TMC1: variants seen among roughly 807,000 people sequenced by gnomAD.
The protein encoded by TMC1 is transmembrane channel-like protein 1.
TMC1 carries 84 observed loss-of-function variants against 105.8 expected under a neutral mutation model. The ratio of observed to expected loss-of-function variants is 0.79; its 90% confidence interval spans 0.67 to 0.95. TMC1 has a LOEUF of 0.95. Among genes scored for constraint, TMC1 ranks in the 40% least tolerant of loss-of-function variants. The probability of loss-of-function intolerance (pLI) is 0.00; values close to 1 mark genes in which losing one functional copy is unlikely to be tolerated. For synonymous variants in TMC1, 315 were observed against 311.5 expected, an observed-to-expected ratio of 1.01 and a Z score of -0.12; for missense variants, 817 against 914.1, an observed-to-expected ratio of 0.89 and a Z score of 1.37.
intron 18 of TMC1, among the ~76,000 whole-genome samples, chr9:72,807,736 A>G (rs1230727410): frequency 6.6e-6 from 1 of 152,234 alleles, no homozygotes; most frequent in Admixed American, 6.5e-5. Flanking sequence ...CACAAAGTTC[A>G]CAGTCTAATA....
rs1256173395 is a variant in TMC1, at chr9:72,683,731, TTTTATATATATATATATATATATA to T, written c.17-4976_17-4953del. 9.3e-3 allele frequency among the ~76,000 whole-genome samples: 460 copies of T among 49,614 alleles called. 15 individuals carry two copies. The highest frequency in any genetic ancestry group is 0.023 in the African/African-American group (438 of 19,202). The allele number at this position is 49,614 out of a possible 152,430, so 32.5% of individuals were successfully genotyped here. A position where few individuals can be genotyped will look rare whatever the true frequency, so the allele number is the denominator to read the frequency against. On this transcript the variant is annotated intron_variant, in intron 5 of 23. Transcript: ENST00000297784. The stretch of plus-strand genomic sequence containing the variant: ...GGTCTGAGTTAACCTGAGTTACACA[TTTTATATATATATATATATATATA>T]TATATATATATATATATATGTTAAA...
intron 1 of TMC1, among the ~76,000 whole-genome samples, chr9:72,540,430 G>A (rs1019993695): frequency 6.6e-5 from 10 of 152,024 alleles, no homozygotes; most frequent in African/African-American, 1.9e-4. Flanking sequence ...AAAATCAGGG[G>A]CAGACAGACC....
intron 5 of TMC1, among the ~76,000 whole-genome samples, chr9:72,678,859 A>G (rs934119940): frequency 3.9e-5 from 6 of 152,068 alleles, no homozygotes; most frequent in African/African-American, 1.4e-4. Flanking sequence ...AAATGATCCC[A>G]GGAGTGGAAT....
intron 18 of TMC1, among the ~76,000 whole-genome samples, chr9:72,807,125 A>G (rs182860476): frequency 2.6e-5 from 4 of 152,200 alleles, no homozygotes; most frequent in African/African-American, 9.6e-5. Flanking sequence ...TGTCGGCGCG[A>G]GCCTGCAATC....
intron 8 of TMC1, among the ~76,000 whole-genome samples, chr9:72,730,742 G>C (rs1034799685): frequency 6.6e-6 from 1 of 152,198 alleles, no homozygotes; most frequent in Non-Finnish European, 1.5e-5. Context: ...ATCAGTGGGA[G>C]CCCTGAGCTT....
In TMC1 at chr9:72,820,937, A is replaced by G. The variant is rs769474449; in HGVS notation, c.1859A>G (p.Asn620Ser). 1.9e-6 allele frequency: 3 copies of G among 1,614,136 alleles called. No homozygotes were observed. The highest frequency in any genetic ancestry group is 2.5e-6 in the Non-Finnish European group (3 of 1,180,030). The change falls in exon 20 of 24, where the codon AAT becomes AGT. Residue 620 changes from asparagine (N) to serine (S), a missense_variant. Physicochemically the swap from Asn to Ser is conservative, Grantham distance 46. Transcript: ENST00000297784. Reference sequence around the variant, plus strand: ...CAGTGCTGGGCCGTTATGTGCTGCAATGTTCCTGAGGCCAGGGTCTTCAAA... The same window carrying G: ...CAGTGCTGGGCCGTTATGTGCTGCAGTGTTCCTGAGGCCAGGGTCTTCAAA... The part of the protein sequence containing the change: ...YFQCWAVMCC[N>S]VPEARVFKAS...
chr9:72,522,228 A>T (rs946197844), intron 1 of TMC1, among the ~76,000 whole-genome samples: 1 of 151,132 alleles, frequency 6.6e-6, no homozygotes, highest in East Asian at 1.9e-4. Flanking sequence ...CGGCTCCCCA[A>T]GTAGCTGGGA....
At chr9:72,602,406 G>A (rs923026817) in intron 2 of TMC1, among the ~76,000 whole-genome samples, 6 of 114,320 alleles carry the variant, frequency 5.2e-5, no homozygotes, top group Non-Finnish European at 8.4e-5. Flanking sequence ...ACAGGGTCTT[G>A]CTCTGTCACC....
chr9:72,718,624 A>G (rs533426559), intron 8 of TMC1, among the ~76,000 whole-genome samples: 73 of 151,772 alleles, frequency 4.8e-4, no homozygotes, highest in Non-Finnish European at 8.4e-4. Flanking sequence ...AGTAAAACAG[A>G]CTCTGTGAGG....
intron 10 of TMC1, among the ~76,000 whole-genome samples, chr9:72,749,634 A>T (rs1827546359): frequency 6.6e-6 from 1 of 152,184 alleles, no homozygotes; most frequent in African/African-American, 2.4e-5. Context: ...TAGAAACCTT[A>T]TAGAACTCTG....
chr9:72,663,169 G>A (rs1338883635), intron 5 of TMC1, among the ~76,000 whole-genome samples: 1 of 152,168 alleles, frequency 6.6e-6, no homozygotes, highest in African/African-American at 2.4e-5. Flanking sequence ...TACAATCATA[G>A]GGATGTGGAA....
intron 13 of TMC1, among the ~76,000 whole-genome samples, chr9:72,776,400 T>A (rs957348729): frequency 1.2e-4 from 18 of 152,280 alleles, no homozygotes; most frequent in African/African-American, 4.3e-4. Flanking sequence ...TAATAATAAT[T>A]AACATCTGTT....
At chr9:72,522,568 G>A (rs2132051008) in intron 1 of TMC1, among the ~76,000 whole-genome samples, 1 of 152,310 alleles carries the variant, frequency 6.6e-6, no homozygotes, top group South Asian at 2.1e-4. Flanking sequence ...AGGAGAAAGG[G>A]AAGAAATACA....
At chr9:72,623,888 G>A (rs1005202412) in intron 3 of TMC1, among the ~76,000 whole-genome samples, 2 of 152,100 alleles carry the variant, frequency 1.3e-5, no homozygotes, top group Non-Finnish European at 2.9e-5. Flanking sequence ...TGTCATCTTG[G>A]TCCTAGTCTA....
chr9:72,658,851 A>G (rs1825925777), intron 5 of TMC1, among the ~76,000 whole-genome samples: 1 of 152,202 alleles, frequency 6.6e-6, no homozygotes, highest in African/African-American at 2.4e-5. Context: ...AAGTCAATAA[A>G]TCATAGAGTG....
At position 72,650,050 on chromosome 9, in the gene TMC1, A is replaced by G. The variant is rs1467659428; in HGVS notation, c.16+1386A>G. Among the ~76,000 whole-genome samples, 3 of 152,202 alleles carry G rather than the reference A, an allele frequency of 2.0e-5. No individual in the cohort carries two copies. The South Asian group carries it at 6.2e-4, about 31-fold the overall frequency. On this transcript the variant is annotated intron_variant, in intron 5 of 23. Transcript: ENST00000297784. ...AGGTATTTTAAAGTTTAACAGCTTT[A>G]TTTTAATTATGAATGTAATATATGC...
Position 72,694,704 on chromosome 9 carries a change from A to C in TMC1, c.226A>C (p.Lys76Gln). Residue 76 changes from lysine to glutamine, a missense_variant, in exon 7 of 24, where the codon AAG becomes CAG. By Grantham distance (53) the Lys-to-Gln change is moderately conservative (BLOSUM62 1). Coordinates refer to ENST00000297784, the MANE Select transcript of TMC1 (RefSeq NM_138691.3). ...AGAAAAAGAGAGGAGGAGGAGGCTAAAGAGAGGAGCGTAAGTTAGTTCTGA... is the reference window on the plus strand; with the variant it reads ...AGAAAAAGAGAGGAGGAGGAGGCTACAGAGAGGAGCGTAAGTTAGTTCTGA... The part of the protein sequence containing the change: ...AREKERRRRL[K>Q]RGAEEEEIDE... The C allele has an allele frequency of 6.2e-7, 1 of 1,609,678 alleles. No individual in the cohort carries two copies. Among genetic ancestry groups the C allele is most frequent in the East Asian group, 2.2e-5 (1 of 44,546 alleles).
At chr9:72,599,346 G>A (rs1824768897) in intron 2 of TMC1, among the ~76,000 whole-genome samples, 1 of 152,090 alleles carries the variant, frequency 6.6e-6, no homozygotes, top group Admixed American at 6.6e-5. Flanking sequence ...CCACTATTTT[G>A]TTGATAAAGA....
At chr9:72,743,362 G>A (rs10869194) in intron 10 of TMC1, among the ~76,000 whole-genome samples, 30,908 of 138,364 alleles carry the variant, frequency 0.22, 3,598 homozygotes, top group East Asian at 0.38. Context: ...GCGAGACTCC[G>A]TCTCACAAAA....
Sources: allele counts gnomAD v4.1 joint callset (sites outside exome capture counted in the v4.1 genomes callset), GRCh38; gene constraint gnomAD v4.1.1; transcripts MANE v1.5; gene names NCBI Gene and HGNC (gene_info 2026-07-23, HGNC 2026-07-21).